TFB1M: variants seen among roughly 807,000 people sequenced by gnomAD.
The protein encoded by TFB1M is dimethyladenosine transferase 1, mitochondrial.
A neutral mutation model predicts 31.1 loss-of-function variants in TFB1M; 27 were observed. That is an observed-to-expected ratio of 0.87 (90% CI 0.64 to 1.20). The LOEUF (loss-of-function observed/expected upper bound fraction) is 1.20, where lower values mean the gene tolerates loss of function less well. TFB1M is among the 50% of genes most tolerant of loss of function. The probability of loss-of-function intolerance (pLI) is 0.00; values close to 1 mark genes in which losing one functional copy is unlikely to be tolerated. For missense variants in TFB1M, 394 were observed against 418.7 expected, an observed-to-expected ratio of 0.94 and a Z score of 0.51; for synonymous variants, 166 against 151.8, an observed-to-expected ratio of 1.09 and a Z score of -0.69.
intron 5 of TFB1M, among the ~76,000 whole-genome samples, chr6:155,262,074 A>G (rs1328113542): frequency 6.6e-6 from 1 of 152,240 alleles, no homozygotes; most frequent in Non-Finnish European, 1.5e-5. Flanking sequence ...ACCATAGAAC[A>G]GTGCCCAGCT....
chr6:155,240,991 G>A, the TFB1M span, among the ~76,000 whole-genome samples: 1 of 152,356 alleles, frequency 6.6e-6, no homozygotes, highest in Admixed American at 6.5e-5. Context: ...GCAATCTGTG[G>A]GAAGGGAGTC....
intron 5 of TFB1M, 31 bp from the exon 6 acceptor site, chr6:155,260,431 G>A: frequency 6.2e-7 from 1 of 1,613,846 alleles, no homozygotes; most frequent in South Asian, 1.1e-5. Context: ...TTATCATTCT[G>A]TGGCATGATA....
the TFB1M span, chr6:155,245,694 T>A: frequency 6.2e-7 from 1 of 1,613,116 alleles, no homozygotes; most frequent in Non-Finnish European, 8.5e-7. Context: ...GTGGATTCTG[T>A]GCTAACCATA....
intron 5 of TFB1M, among the ~76,000 whole-genome samples, chr6:155,272,165 G>A (rs1213929559): frequency 2.6e-5 from 4 of 152,144 alleles, no homozygotes; most frequent in African/African-American, 4.8e-5. Context: ...ACTGACCGAA[G>A]GAGTTAAGAC....
At chr6:155,234,643 G>A in the TFB1M span, among the ~76,000 whole-genome samples, 1 of 152,168 alleles carries the variant, frequency 6.6e-6, no homozygotes, top group Admixed American at 6.5e-5. Flanking sequence ...GGGCTCAAGT[G>A]ATCCACCTGC....
At chr6:155,276,664 C>T (rs9322509) in intron 5 of TFB1M, 3 of 277,270 alleles carry the variant, frequency 1.1e-5, no homozygotes, top group Non-Finnish European at 2.0e-5. Flanking sequence ...ATAGCTTTTT[C>T]AAGATAATTT....
chr6:155,272,403 G>T (rs1054137689), intron 5 of TFB1M, among the ~76,000 whole-genome samples: 4 of 152,040 alleles, frequency 2.6e-5, no homozygotes, highest in Non-Finnish European at 5.9e-5. Context: ...AGGTGCCTGG[G>T]TTCTGTTCTG....
chr6:155,287,231 T>C (rs909072906), intron 4 of TFB1M, among the ~76,000 whole-genome samples: 1 of 152,116 alleles, frequency 6.6e-6, no homozygotes, highest in Non-Finnish European at 1.5e-5. Flanking sequence ...AATTTGGCAA[T>C]ATACAGTAGA....
intron 2 of TFB1M, among the ~76,000 whole-genome samples, chr6:155,302,071 G>A: frequency 6.6e-6 from 1 of 152,160 alleles, no homozygotes; most frequent in East Asian, 1.9e-4. Flanking sequence ...ATTGTGGTTT[G>A]GCTAGGCAGC....
At chr6:155,298,097 G>T (rs184380972) in intron 3 of TFB1M, among the ~76,000 whole-genome samples, 87 of 152,336 alleles carry the variant, frequency 5.7e-4, no homozygotes, top group African/African-American at 2.0e-3. Context: ...TGAATGTGAA[G>T]AATAATAGAA....
chr6:155,276,474 A>C (rs1785227095), intron 5 of TFB1M: 6 of 1,106,132 alleles, frequency 5.4e-6, no homozygotes, highest in Non-Finnish European at 7.7e-6. Flanking sequence ...TTTCCCTACA[A>C]AGAAAGTAGA....
chr6:155,312,961 G>A (rs574415111), intron 1 of TFB1M, among the ~76,000 whole-genome samples: 4 of 152,174 alleles, frequency 2.6e-5, no homozygotes, highest in African/African-American at 9.6e-5. Flanking sequence ...AAAAGATGAG[G>A]AAACTACTGG....
At chr6:155,260,673 A>G in intron 5 of TFB1M, 1 of 489,734 alleles carries the variant, frequency 2.0e-6, no homozygotes, top group East Asian at 4.0e-5. Flanking sequence ...ACACAGTTTC[A>G]CAATGGCTTA....
At chr6:155,264,747 A>C (rs556224374) in intron 5 of TFB1M, among the ~76,000 whole-genome samples, 1 of 152,312 alleles carries the variant, frequency 6.6e-6, no homozygotes, top group Non-Finnish European at 1.5e-5. Flanking sequence ...AATGACAGCA[A>C]ACTCAGATCA....
chr6:155,276,832 G>A (rs1302261099), intron 5 of TFB1M, among the ~76,000 whole-genome samples: 1 of 152,224 alleles, frequency 6.6e-6, no homozygotes, highest in Non-Finnish European at 1.5e-5. Flanking sequence ...GTGTGTGAAA[G>A]TACATTAGGA....
intron 4 of TFB1M, among the ~76,000 whole-genome samples, chr6:155,296,059 G>A (rs162967): frequency 2.0e-5 from 3 of 151,838 alleles, no homozygotes; most frequent in Non-Finnish European, 2.9e-5. Flanking sequence ...CTGCACATCC[G>A]TCCTTATACC....
At chr6:155,249,020 A>T in the TFB1M span, among the ~76,000 whole-genome samples, 1 of 152,244 alleles carries the variant, frequency 6.6e-6, no homozygotes, top group African/African-American at 2.4e-5. Context: ...TCTATAAGTA[A>T]ATAATACAAA....
At chr6:155,301,161 AGTCAATG>A (rs1777415182) in intron 2 of TFB1M, among the ~76,000 whole-genome samples, 1 of 152,176 alleles carries the variant, frequency 6.6e-6, no homozygotes, top group African/African-American at 2.4e-5. Flanking sequence ...TTTCAATCTC[AGTCAATG>A]ACAAACCAAA....
chr6:155,237,555 C>T, the TFB1M span, among the ~76,000 whole-genome samples: 3 of 152,364 alleles, frequency 2.0e-5, no homozygotes, highest in Non-Finnish European at 2.9e-5. Flanking sequence ...GAGAGCCCTG[C>T]CCCTGCAGCA....
Sources: gnomAD v4.1 joint callset for allele counts (sites outside exome capture counted in the v4.1 genomes callset) on GRCh38, gnomAD v4.1.1 for gene constraint, MANE v1.5 for transcripts, NCBI Gene and HGNC (gene_info 2026-07-23, HGNC 2026-07-21) for gene names.